The following TLCD4 variants were observed in gnomAD, a reference collection of about 807,000 sequenced individuals.
TLCD4 encodes the protein TLC domain containing 4, also known as TLC domain-containing protein 4.
In TLCD4, 7 loss-of-function variants were observed where a neutral mutation model predicts 24.2. That is an observed-to-expected ratio of 0.29 (90% confidence interval 0.16 to 0.54). TLCD4 has a LOEUF of 0.54. TLCD4 is among the 20% of genes least tolerant of loss of function. TLCD4 has a pLI of 0.95. For synonymous variants in TLCD4, 103 were observed against 106.4 expected, an observed-to-expected ratio of 0.97 and a Z score of 0.20; for missense variants, 259 against 313.9, an observed-to-expected ratio of 0.82 and a Z score of 1.32.
chr1:95,131,181 G>T (rs1020512376), intron 1 of TLCD4, among the ~76,000 whole-genome samples: 2 of 152,176 alleles, frequency 1.3e-5, no homozygotes, highest in African/African-American at 2.4e-5. Context: ...ACTGTGAGAA[G>T]GAAATGTCTG....
chr1:95,129,181 G>A (rs761987150), intron 1 of TLCD4, among the ~76,000 whole-genome samples: 11 of 152,296 alleles, frequency 7.2e-5, no homozygotes, highest in Non-Finnish European at 1.3e-4. Context: ...AAAACAATCT[G>A]TAATCCAAAA....
At chr1:95,146,467 C>G (rs1031858782) in intron 2 of TLCD4, among the ~76,000 whole-genome samples, 8 of 151,956 alleles carry the variant, frequency 5.3e-5, no homozygotes, top group African/African-American at 1.9e-4. Context: ...CTTAAAATTG[C>G]TATTCTAAAA....
intron 1 of TLCD4, among the ~76,000 whole-genome samples, chr1:95,127,824 T>G (rs975030437): frequency 6.6e-6 from 1 of 152,248 alleles, no homozygotes; most frequent in African/African-American, 2.4e-5. Flanking sequence ...TCAAAACCGT[T>G]ACTTTTTATT....
In TLCD4 at chr1:95,193,335, T is replaced by C. The variant is rs1434390199; in HGVS notation, c.*1467T>C. The C allele has an allele frequency of 6.6e-6, 1 of 152,158 alleles. No individual in the cohort carries two copies. The highest frequency in any genetic ancestry group is 1.5e-5 in the Non-Finnish European group (1 of 67,960). 9.4% of individuals were successfully genotyped at this position (152,158 alleles called of 1,614,324 possible). On this transcript the variant is annotated 3_prime_UTR_variant, in exon 7 of 7. Coordinates refer to ENST00000370203, the MANE Select transcript of TLCD4 (RefSeq NM_152487.3). ...GCGACTCTGGTTGTGTGTGTATGTG[T>C]TTTGCTTTTACTTTAATTCTTGCAA...
intron 6 of TLCD4, among the ~76,000 whole-genome samples, chr1:95,180,728 G>T (rs1678607858): frequency 6.6e-6 from 1 of 152,118 alleles, no homozygotes; most frequent in Admixed American, 6.5e-5. Flanking sequence ...CATATTTTAT[G>T]AATTGATATT....
rs1679054238 is a variant in TLCD4, at chr1:95,192,310, A to AG, written c.*442_*443insG. 1.3e-5 allele frequency: 2 copies of AG among 152,494 alleles called. No homozygotes were observed. 9.4% of individuals were successfully genotyped at this position (152,494 alleles called of 1,614,324 possible). ...CAAGACTCTGTCTCAAAAAAAAAAA[A>AG]AAGAGAGAAACTAAAATTAAAATTT... On this transcript the variant is annotated 3_prime_UTR_variant, in exon 7 of 7. Transcript: ENST00000370203.
rs1676920684 is a variant in TLCD4 at position 95,132,382 on chromosome 1, AG to A, written c.-11-11507del. 3.4e-5 allele frequency among the ~76,000 whole-genome samples: 5 copies of A among 145,222 alleles called. 1 individual carries two copies. In the South Asian group the frequency reaches 1.1e-3, roughly 33 times the overall value. Reference sequence around the variant, plus strand: ...TGAGGCACGAGAATCGCTTGAACCCAGGTGGTGGAGGTTGCAGTGAGCCGAG... The same window carrying A: ...TGAGGCACGAGAATCGCTTGAACCCAGTGGTGGAGGTTGCAGTGAGCCGAG... On this transcript the variant is annotated intron_variant, in intron 1 of 6. Transcript: ENST00000370203.
chr1:95,148,889 A>G (rs1245937009), intron 3 of TLCD4, 98 bp downstream of exon 3: 1 of 1,446,274 alleles, frequency 6.9e-7, no homozygotes, highest in East Asian at 2.4e-5. Flanking sequence ...AAACATATTG[A>G]TCGTATATGC....
chr1:95,154,937 C>T (rs908590291), intron 5 of TLCD4, among the ~76,000 whole-genome samples: 8 of 150,698 alleles, frequency 5.3e-5, no homozygotes, highest in African/African-American at 1.2e-4. Flanking sequence ...CTATAGAACA[C>T]GGTCACGTTT....
intron 5 of TLCD4, among the ~76,000 whole-genome samples, chr1:95,169,504 G>T (rs934135182): frequency 1.8e-4 from 27 of 152,160 alleles, no homozygotes; most frequent in African/African-American, 6.5e-4. Flanking sequence ...TGAAAATCAT[G>T]AAGTCAGGTT....
rs200878295 is a variant in TLCD4, at chr1:95,192,298, CAA to C, written c.*443_*444del. ...TGGGCGACAGAGCAAGACTCTGTCT[CAA>C]AAAAAAAAAAAAGAGAGAAACTAAA... is the stretch of plus-strand genomic sequence containing the variant. On this transcript the variant is annotated 3_prime_UTR_variant, in exon 7 of 7. Coordinates refer to ENST00000370203, the MANE Select transcript of TLCD4 (RefSeq NM_152487.3). 13 of 117,454 alleles carry C rather than the reference CAA, an allele frequency of 1.1e-4. No homozygotes were observed. Among genetic ancestry groups the C allele is most frequent in the Non-Finnish European group, 1.1e-4 (6 of 55,204 alleles). 7.3% of individuals were successfully genotyped at this position (117,454 alleles called of 1,614,324 possible).
chr1:95,178,751 C>A (rs371823066), intron 6 of TLCD4, among the ~76,000 whole-genome samples: 1 of 152,052 alleles, frequency 6.6e-6, no homozygotes, highest in South Asian at 2.1e-4. Flanking sequence ...ACTTAATATT[C>A]CTGTATTATA....
upstream of TLCD4, among the ~76,000 whole-genome samples, chr1:95,112,481 T>C (rs758294969): frequency 3.3e-5 from 5 of 152,142 alleles, no homozygotes; most frequent in South Asian, 8.3e-4. Context: ...ATTTGTAAGG[T>C]GCATCAATAT....
chr1:95,139,080 C>T lies in TLCD4; in HGVS notation c.-11-4811C>T, dbSNP rs544747113. On this transcript the variant is annotated intron_variant, in intron 1 of 6. Coordinates refer to ENST00000370203, the MANE Select transcript of TLCD4 (RefSeq NM_152487.3). ...GTGGTGGCTATGTGGGAGGCTGAGG[C>T]GGGAGGATCACTTGAGCCTAGAAGT... Among the ~76,000 whole-genome samples, 109 of 133,958 alleles carry T rather than the reference C, an allele frequency of 8.1e-4. 2 individuals carry two copies. Among genetic ancestry groups the T allele is most frequent in the African/African-American group, 2.8e-3 (99 of 35,672 alleles). The allele number at this position is 133,958 out of a possible 152,430, so 87.9% of individuals were successfully genotyped here.
intron 5 of TLCD4, among the ~76,000 whole-genome samples, chr1:95,168,421 G>C (rs1414904): frequency 6.6e-6 from 1 of 151,664 alleles, no homozygotes. Context: ...AAATGTATCA[G>C]TGTTTGGAGA....
At chr1:95,144,693 G>A (rs1055871147) in intron 2 of TLCD4, among the ~76,000 whole-genome samples, 1 of 150,548 alleles carries the variant, frequency 6.6e-6, no homozygotes, top group African/African-American at 2.5e-5. Flanking sequence ...TATTTTATTT[G>A]TTTATTTATT....
intron 1 of TLCD4, among the ~76,000 whole-genome samples, chr1:95,139,279 C>G (rs35949014): frequency 0.088 from 13,345 of 150,996 alleles, 658 homozygotes; most frequent in African/African-American, 0.11. Flanking sequence ...AGGTGAATCA[C>G]TGAGTGAGTG....
intron 6 of TLCD4, among the ~76,000 whole-genome samples, chr1:95,189,449 CT>C (rs757658074): frequency 1.3e-5 from 2 of 152,136 alleles, no homozygotes; most frequent in Non-Finnish European, 2.9e-5. Flanking sequence ...TTTTTGTGCA[CT>C]TCTGTGGGTT....
At chr1:95,098,074 G>A in the TLCD4 span, among the ~76,000 whole-genome samples, 9 of 152,192 alleles carry the variant, frequency 5.9e-5, no homozygotes, top group African/African-American at 2.2e-4. Flanking sequence ...GACTAGATCC[G>A]ATATACAGTA....
Sources: gnomAD v4.1 joint callset for allele counts (sites outside exome capture counted in the v4.1 genomes callset) on GRCh38, gnomAD v4.1.1 for gene constraint, MANE v1.5 for transcripts, NCBI Gene and HGNC (gene_info 2026-07-23, HGNC 2026-07-21) for gene names.